CYFIP1: variants seen among roughly 807,000 people sequenced by gnomAD.
CYFIP1 encodes the protein cytoplasmic FMR1 interacting protein 1.
Under a neutral mutation model 163.5 loss-of-function variants are expected in CYFIP1, and 58 were observed. The observed-to-expected ratio is 0.35, with a 90% CI of 0.29 to 0.44. The LOEUF (loss-of-function observed/expected upper bound fraction) is 0.44, where lower values mean the gene tolerates loss of function less well. CYFIP1 is among the 20% of genes least tolerant of loss of function. CYFIP1 has a pLI of 1.00. For missense variants in CYFIP1, 1,338 were observed against 1,653.8 expected, an observed-to-expected ratio of 0.81 and a Z score of 3.31; for synonymous variants, 663 against 660.7, an observed-to-expected ratio of 1.00 and a Z score of -0.05.
At chr15:22,879,453 C>T (rs1191174231) in intron 26 of CYFIP1, among the ~76,000 whole-genome samples, 1 of 152,118 alleles carries the variant, frequency 6.6e-6, no homozygotes, top group Non-Finnish European at 1.5e-5. Context: ...TTCATGCTGG[C>T]CACTCGTGCT....
intron 23 of CYFIP1, among the ~76,000 whole-genome samples, chr15:22,885,042 C>A (rs1412660176): frequency 6.6e-6 from 1 of 152,074 alleles, no homozygotes; most frequent in African/African-American, 2.4e-5. Context: ...AACCATTTTT[C>A]CCTCCTAGGC....
At chr15:22,911,664 T>A (rs530278563) in intron 18 of CYFIP1, among the ~76,000 whole-genome samples, 1 of 152,368 alleles carries the variant, frequency 6.6e-6, no homozygotes, top group South Asian at 2.1e-4. Context: ...CCTCCCATCC[T>A]GCAGGGCCGG....
chr15:22,937,388 T>C (rs1427175137), intron 8 of CYFIP1, among the ~76,000 whole-genome samples, 180 bp from the exon 9 acceptor site: 1 of 152,110 alleles, frequency 6.6e-6, no homozygotes, highest in Non-Finnish European at 1.5e-5. Context: ...TCAGTGAAAC[T>C]GGGATACAAA....
rs766639906 is a variant in CYFIP1, at chr15:22,917,948, C to A, written c.1527-13G>T. On this transcript the variant is annotated splice_polypyrimidine_tract_variant and intron_variant, in intron 14 of 30. Coordinates refer to ENST00000617928, the MANE Select transcript of CYFIP1 (RefSeq NM_014608.6). The surrounding 1 kb of genome is among the most constrained non-coding windows in gnomAD (Gnocchi z 4.2). ...GGCCTGCAGGACACTGAACACCCCA[C>A]CAAGTGATCAGCAAGGCCCAGAGGC... The A allele has an allele frequency of 1.2e-5, 19 of 1,611,106 alleles. No homozygotes were observed. The highest frequency in any genetic ancestry group is 1.7e-5 in the Admixed American group (1 of 59,396).
intron 25 of CYFIP1, among the ~76,000 whole-genome samples, chr15:22,880,607 C>G (rs1016799171): frequency 2.0e-5 from 3 of 152,216 alleles, no homozygotes; most frequent in African/African-American, 2.4e-5. Context: ...CCCAGCCAAT[C>G]TACAGCTTCA....
intron 1 of CYFIP1, among the ~76,000 whole-genome samples, chr15:22,958,829 G>A (rs1386229384): frequency 6.6e-6 from 1 of 152,212 alleles, no homozygotes; most frequent in Non-Finnish European, 1.5e-5. Context: ...AGGAGGGCAA[G>A]GGAGAGCAGT....
chr15:22,907,476 T>C (rs919643949), intron 21 of CYFIP1, among the ~76,000 whole-genome samples: 1 of 152,228 alleles, frequency 6.6e-6, no homozygotes, highest in Admixed American at 6.5e-5. Flanking sequence ...CCAGCCTAAC[T>C]TGAATCATCA....
intron 26 of CYFIP1, among the ~76,000 whole-genome samples, chr15:22,876,069 G>C (rs2059577487): frequency 1.3e-5 from 2 of 151,674 alleles, no homozygotes; most frequent in African/African-American, 4.9e-5. Context: ...CCACGGAGCA[G>C]GCAGAAGGTG....
chr15:22,975,853 G>A (rs1283598653), intron 1 of CYFIP1, among the ~76,000 whole-genome samples: 3 of 152,104 alleles, frequency 2.0e-5, no homozygotes, highest in Non-Finnish European at 4.4e-5. Context: ...TTAAAAGTAG[G>A]TGAATTTTAT....
intron 15 of CYFIP1, chr15:22,916,910 G>A: frequency 1.9e-6 from 3 of 1,551,774 alleles, no homozygotes; most frequent in Non-Finnish European, 1.7e-6. Flanking sequence ...GTAGGTAGGT[G>A]CACGACTGCC....
rs147443820 is a variant in CYFIP1, at chr15:22,937,206, G to A, written c.798C>T (p.Val266=). The change falls in exon 9 of 31, where the codon GTC becomes GTT. Residue 266 remains valine, a splice_region_variant and synonymous_variant. Coordinates refer to ENST00000617928, the MANE Select transcript of CYFIP1 (RefSeq NM_014608.6). ...CCATCAGGTACAGACCAAATCCCAT[G>A]ACCTGAAAAGCCACAAAATGAATGA... The part of the protein sequence containing the change: ...TPSEKHMLLK[V]MGFGLYLMDG... 1.3e-6 allele frequency: 2 copies of A among 1,596,964 alleles called. No homozygotes were observed. Among genetic ancestry groups the A allele is most frequent in the Admixed American group, 1.7e-5 (1 of 59,922 alleles).
At chr15:22,970,246 G>A (rs2063045699) in intron 1 of CYFIP1, among the ~76,000 whole-genome samples, 1 of 151,946 alleles carries the variant, frequency 6.6e-6, no homozygotes, top group African/African-American at 2.4e-5. Context: ...TAATCAAGGA[G>A]GTGAAAGACT....
chr15:22,954,012 C>T lies in CYFIP1; in HGVS notation c.-6-6721G>A, dbSNP rs184706065. ...CGGAGCTTGCAGTGAGCCAAGATCG[C>T]GCCACTGCACTCCAGCCTGGGTGAC... is the stretch of plus-strand genomic sequence containing the variant. On this transcript the variant is annotated intron_variant, in intron 1 of 30. Transcript: ENST00000617928. Among the ~76,000 whole-genome samples, 414 of 152,186 alleles carry T rather than the reference C, an allele frequency of 2.7e-3. 3 individuals carry two copies. The highest frequency in any genetic ancestry group is 9.6e-3 in the African/African-American group (400 of 41,522).
intron 6 of CYFIP1, among the ~76,000 whole-genome samples, chr15:22,941,623 C>G (rs7402104): frequency 1.3e-5 from 2 of 151,828 alleles, no homozygotes; most frequent in Non-Finnish European, 2.9e-5. Flanking sequence ...AGATAGAGGT[C>G]AGAGGAAGAG....
chr15:22,897,764 G>A (rs1447355165), intron 22 of CYFIP1, among the ~76,000 whole-genome samples: 16 of 152,172 alleles, frequency 1.1e-4, no homozygotes, highest in African/African-American at 3.1e-4. Context: ...GATTACAGGC[G>A]TGAGCCACTG....
intron 1 of CYFIP1, 50 bp downstream of exon 1, chr15:22,980,237 C>G (rs900251128): frequency 2.9e-4 from 44 of 151,438 alleles, no homozygotes; most frequent in African/African-American, 1.1e-3. Context: ...GAGGGGGACC[C>G]GGACCCCGCG....
At chr15:22,928,314 C>T (rs2061422642) in intron 11 of CYFIP1, among the ~76,000 whole-genome samples, 1 of 152,068 alleles carries the variant, frequency 6.6e-6, no homozygotes, top group African/African-American at 2.4e-5. Context: ...GCCCGGGAGG[C>T]GGAGCTTGCA....
At chr15:22,942,764 T>C (rs777407224) in intron 6 of CYFIP1, among the ~76,000 whole-genome samples, 3 of 152,024 alleles carry the variant, frequency 2.0e-5, no homozygotes, top group African/African-American at 7.2e-5. Flanking sequence ...CGCTGGCGAG[T>C]GACCGGCACC....
rs2061618418 is a variant in CYFIP1 at position 22,933,926 on chromosome 15, A to G, written c.901-33T>C. 2.7e-6 allele frequency: 4 copies of G among 1,500,646 alleles called. No individual in the cohort carries two copies. The South Asian group carries it at 4.6e-5, about 17-fold the overall frequency. 93.0% of individuals were successfully genotyped at this position (1,500,646 alleles called of 1,614,324 possible). A position where few individuals can be genotyped will look rare whatever the true frequency, so the allele number is the denominator to read the frequency against. On this transcript the variant is annotated intron_variant, in intron 9 of 30. Coordinates refer to ENST00000617928, the MANE Select transcript of CYFIP1 (RefSeq NM_014608.6). ...CAAAGAACAAAAAAATAGAGTCATT[A>G]TGTATATTTAGTCACCAAATACATA... is the stretch of plus-strand genomic sequence containing the variant.
Sources: gnomAD v4.1 joint callset for allele counts (sites outside exome capture counted in the v4.1 genomes callset) on GRCh38, gnomAD v4.1.1 for gene constraint, Gnocchi (gnomAD v3.1) non-coding constraint, MANE v1.5 for transcripts, NCBI Gene and HGNC (gene_info 2026-07-23, HGNC 2026-07-21) for gene names.